The following ARFGEF2 variants were observed in gnomAD, a reference collection of about 807,000 sequenced individuals.
ARFGEF2 encodes the protein brefeldin A-inhibited guanine nucleotide-exchange protein 2.
In ARFGEF2, 74 loss-of-function variants were observed where a neutral mutation model predicts 219.9. The ratio of observed to expected loss-of-function variants is 0.34; its 90% CI spans 0.28 to 0.41. The LOEUF (loss-of-function observed/expected upper bound fraction) is 0.41, where lower values mean the gene tolerates loss of function less well. ARFGEF2 is among the 10% of genes least tolerant of loss of function. The pLI is 1.00. For missense variants in ARFGEF2, 1,743 were observed against 2,218.3 expected (o/e 0.79, Z 4.30); for synonymous variants, 733 against 799.2 (o/e 0.92, Z 1.40).
intron 25 of ARFGEF2, 97 bp from the exon 26 acceptor site, chr20:49,004,973 T>G (rs2091448732): frequency 1.3e-5 from 18 of 1,349,164 alleles, no homozygotes; most frequent in Non-Finnish European, 1.9e-5. Flanking sequence ...CCTGAATGTT[T>G]GTTTTGAAGG....
intron 37 of ARFGEF2, 57 bp from the exon 38 acceptor site, chr20:49,031,992 T>G: frequency 8.8e-7 from 1 of 1,136,704 alleles, no homozygotes. Context: ...AGTTCTCCCC[T>G]GAATGTGAGA....
At chr20:48,930,099 C>T (rs1163380217) in intron 1 of ARFGEF2, among the ~76,000 whole-genome samples, 1 of 152,212 alleles carries the variant, frequency 6.6e-6, no homozygotes, top group Non-Finnish European at 1.5e-5. Flanking sequence ...ATGCTACTCA[C>T]TGGGCGATTT....
chr20:49,026,833 A>T (rs1160772130), intron 36 of ARFGEF2, among the ~76,000 whole-genome samples: 2 of 151,994 alleles, frequency 1.3e-5, no homozygotes, highest in African/African-American at 4.8e-5. Flanking sequence ...TAATCCACTC[A>T]TCTTAGCCTC....
chr20:48,990,872 A>C (rs1455971901), intron 20 of ARFGEF2, among the ~76,000 whole-genome samples, 168 bp from the exon 21 acceptor site: 1 of 152,232 alleles, frequency 6.6e-6, no homozygotes, highest in East Asian at 1.9e-4. Context: ...AAGATGTTCC[A>C]AAAGCAAGAG....
intron 26 of ARFGEF2, among the ~76,000 whole-genome samples, chr20:49,008,670 G>GTATCTCTC (rs1470899254): frequency 6.7e-6 from 1 of 148,506 alleles, no homozygotes; most frequent in African/African-American, 2.5e-5. Context: ...AGTGAAACGT[G>GTATCTCTC]TATCTCTCCA....
At chr20:48,940,275 A>C (rs1358808060) in intron 1 of ARFGEF2, among the ~76,000 whole-genome samples, 1 of 152,256 alleles carries the variant, frequency 6.6e-6, no homozygotes, top group Non-Finnish European at 1.5e-5. Context: ...GAATGTACTT[A>C]ATGCCATTCA....
At chr20:48,999,491 G>GT (rs2091411698) in intron 25 of ARFGEF2, among the ~76,000 whole-genome samples, 1 of 152,198 alleles carries the variant, frequency 6.6e-6, no homozygotes, top group Non-Finnish European at 1.5e-5. Context: ...GCTCACGCCT[G>GT]TAATCCCAGC....
intron 9 of ARFGEF2, among the ~76,000 whole-genome samples, chr20:48,970,499 A>G (rs1430404180): frequency 6.6e-6 from 1 of 151,476 alleles, no homozygotes; most frequent in Non-Finnish European, 1.5e-5. Flanking sequence ...AATCCCAGCT[A>G]CTCTGGAGGC....
At chr20:48,947,534 A>G (rs2091035835) in intron 3 of ARFGEF2, among the ~76,000 whole-genome samples, 1 of 152,002 alleles carries the variant, frequency 6.6e-6, no homozygotes, top group Non-Finnish European at 1.5e-5. Context: ...ATTTCTACAA[A>G]AACCTCTTTA....
At chr20:48,930,211 A>G (rs1026132251) in intron 1 of ARFGEF2, among the ~76,000 whole-genome samples, 4 of 152,198 alleles carry the variant, frequency 2.6e-5, no homozygotes, top group African/African-American at 9.6e-5. Flanking sequence ...ATGGGGGTTG[A>G]ACTCATCTTT....
chr20:48,991,528 T>C (rs961577369), intron 21 of ARFGEF2, among the ~76,000 whole-genome samples: 3 of 151,892 alleles, frequency 2.0e-5, no homozygotes, highest in Non-Finnish European at 4.4e-5. Flanking sequence ...GTGATCAATG[T>C]GTAATTTTAA....
Position 48,951,359 on chromosome 20 carries a change from C to T in ARFGEF2, c.313C>T (p.Pro105Ser). The change falls in exon 4 of 39, where the codon CCT (proline) becomes TCT (serine). Residue 105 changes from proline (P) to serine (S), a missense_variant. By Grantham distance (74) the Pro-to-Ser change is moderately conservative (BLOSUM62 -1). Coordinates refer to ENST00000371917, the MANE Select transcript of ARFGEF2 (RefSeq NM_006420.3). ...IAYGHITGNA[P>S]DSGAPGKRLI... ...ATACGGGCACATCACTGGCAACGCC[C>T]CTGACAGTGGAGCCCCTGGGAAGCG... 1 of 1,614,190 alleles carries T rather than the reference C, an allele frequency of 6.2e-7. No homozygotes were observed. The highest frequency in any genetic ancestry group is 1.7e-5 in the Admixed American group (1 of 60,022).
chr20:49,009,723 A>G (rs1002326035), intron 26 of ARFGEF2, among the ~76,000 whole-genome samples: 1 of 152,224 alleles, frequency 6.6e-6, no homozygotes, highest in Non-Finnish European at 1.5e-5. Context: ...TCCAATCCAC[A>G]TATATGTGTT....
chr20:48,990,781 G>A (rs2091353141), intron 20 of ARFGEF2, among the ~76,000 whole-genome samples: 1 of 152,224 alleles, frequency 6.6e-6, no homozygotes, highest in South Asian at 2.1e-4. Flanking sequence ...AGTGGAACAT[G>A]GGACAGGTGA....
chr20:48,961,618 C>G (rs2091152276), intron 6 of ARFGEF2, among the ~76,000 whole-genome samples: 1 of 152,122 alleles, frequency 6.6e-6, no homozygotes. Flanking sequence ...AATCCCAACA[C>G]TTTGGGAGGC....
chr20:48,962,889 T>C (rs2091162557), intron 6 of ARFGEF2, among the ~76,000 whole-genome samples: 1 of 152,136 alleles, frequency 6.6e-6, no homozygotes, highest in Admixed American at 6.5e-5. Context: ...GTGATGGCTT[T>C]TTTGGTCAAC....
chr20:49,036,160 C>A lies in ARFGEF2; in HGVS notation c.*2961C>A, dbSNP rs2091665122. The A allele has an allele frequency of 2.5e-6, 1 of 398,244 alleles. No homozygotes were observed. Among genetic ancestry groups the A allele is most frequent in the East Asian group, 3.6e-5 (1 of 27,978 alleles). 24.7% of individuals were successfully genotyped at this position (398,244 alleles called of 1,614,324 possible). On this transcript the variant is annotated 3_prime_UTR_variant, in exon 39 of 39. Coordinates refer to ENST00000371917, the MANE Select transcript of ARFGEF2 (RefSeq NM_006420.3). ...ATATTGGTTTCAATAGAAGCTGGAT[C>A]CTTAATACTGCATTTTCTGAATTCT...
At chr20:49,002,767 C>T (rs1267911777) in intron 25 of ARFGEF2, among the ~76,000 whole-genome samples, 1 of 151,268 alleles carries the variant, frequency 6.6e-6, no homozygotes, top group Non-Finnish European at 1.5e-5. Flanking sequence ...CCTCAGCCCT[C>T]CCAAGTAGCT....
intron 12 of ARFGEF2, among the ~76,000 whole-genome samples, chr20:48,974,099 A>C (rs73264257): frequency 0.021 from 2,015 of 95,212 alleles, 44 homozygotes; most frequent in African/African-American, 0.07. Context: ...AGACCTTGTT[A>C]TTTATTATTT....
Sources: gnomAD v4.1 joint callset for allele counts (sites outside exome capture counted in the v4.1 genomes callset) on GRCh38, gnomAD v4.1.1 for gene constraint, MANE v1.5 for transcripts, NCBI Gene and HGNC (gene_info 2026-07-23, HGNC 2026-07-21) for gene names.